Variants in CXCL13 observed in about 807,000 individuals in gnomAD.
The protein encoded by CXCL13 is C-X-C motif chemokine ligand 13, also known as C-X-C motif chemokine 13.
A neutral mutation model predicts 12.2 loss-of-function variants in CXCL13; 7 were observed. The ratio of observed to expected loss-of-function variants is 0.57; its 90% confidence interval spans 0.33 to 1.07. The LOEUF is 1.07. Among genes scored for constraint, CXCL13 ranks in the 50% least tolerant of loss-of-function variants. CXCL13 has a pLI of 0.04. For missense variants in CXCL13, 113 were observed against 127.4 expected (o/e 0.89, Z 0.55); for synonymous variants, 47 against 42.4 (o/e 1.11, Z -0.42).
chr4:77,588,048 G>C (rs1184029917), intron 1 of CXCL13, among the ~76,000 whole-genome samples: 2 of 152,202 alleles, frequency 1.3e-5, no homozygotes, highest in African/African-American at 4.8e-5. Context: ...TGCTGATGTA[G>C]GGCACCAGTA....
upstream of CXCL13, among the ~76,000 whole-genome samples, chr4:77,602,348 C>T (rs1244151253): frequency 2.0e-5 from 3 of 152,172 alleles, no homozygotes. Context: ...GCATCATTTT[C>T]TGAGGAAATG....
chr4:77,578,314 C>A (rs189911401), intron 1 of CXCL13, among the ~76,000 whole-genome samples: 1 of 152,278 alleles, frequency 6.6e-6, no homozygotes, highest in East Asian at 1.9e-4. Context: ...TGCCAGGGAC[C>A]CTTAGATAGC....
intron 1 of CXCL13, among the ~76,000 whole-genome samples, chr4:77,581,907 A>G (rs1198679547): frequency 6.6e-6 from 1 of 152,152 alleles, no homozygotes; most frequent in Non-Finnish European, 1.5e-5. Flanking sequence ...TACTCGTTGA[A>G]CTGGTTGCAA....
intron 1 of CXCL13, among the ~76,000 whole-genome samples, chr4:77,553,090 G>A (rs1725572496): frequency 6.6e-6 from 1 of 152,158 alleles, no homozygotes; most frequent in Non-Finnish European, 1.5e-5. Flanking sequence ...CGGTCTTAGG[G>A]TAGCAGATTG....
chr4:77,524,970 T>C (rs1229673765), intron 1 of CXCL13, among the ~76,000 whole-genome samples: 1 of 152,208 alleles, frequency 6.6e-6, no homozygotes, highest in Admixed American at 6.5e-5. Flanking sequence ...TATGACAAAA[T>C]TCACATGTTG....
chr4:77,605,983 C>G (rs1726994906), intron 1 of CXCL13, 54 bp downstream of exon 1: 5 of 1,296,994 alleles, frequency 3.9e-6, no homozygotes, highest in Non-Finnish European at 4.4e-6. Context: ...AGTCTTTAAC[C>G]ACTTCAATTT....
intron 1 of CXCL13, among the ~76,000 whole-genome samples, chr4:77,524,658 C>A (rs1724716300): frequency 6.9e-6 from 1 of 144,696 alleles, no homozygotes; most frequent in Non-Finnish European, 1.5e-5. Context: ...GGGAAATCCC[C>A]TGTCCCCTTG....
At chr4:77,525,998 G>A (rs1724755427) in intron 1 of CXCL13, among the ~76,000 whole-genome samples, 1 of 150,608 alleles carries the variant, frequency 6.6e-6, no homozygotes, top group African/African-American at 2.4e-5. Context: ...CAAACAATGA[G>A]CAGCTAAAGA....
At chr4:77,524,927 C>A (rs1724722507) in intron 1 of CXCL13, among the ~76,000 whole-genome samples, 1 of 152,176 alleles carries the variant, frequency 6.6e-6, no homozygotes, top group Admixed American at 6.5e-5. Context: ...CAAAATTAGA[C>A]CATGCATCAG....
At chr4:77,568,260 A>G (rs1039512203) in intron 1 of CXCL13, among the ~76,000 whole-genome samples, 1 of 152,004 alleles carries the variant, frequency 6.6e-6, no homozygotes, top group Non-Finnish European at 1.5e-5. Flanking sequence ...CCTTTCCTGT[A>G]TTCTTTATTT....
intron 1 of CXCL13, among the ~76,000 whole-genome samples, chr4:77,564,456 G>A (rs1162825810): frequency 6.6e-6 from 1 of 152,236 alleles, no homozygotes; most frequent in Non-Finnish European, 1.5e-5. Flanking sequence ...ACTTGAACTA[G>A]CTGTTCTGCA....
chr4:77,607,046 G>A (rs916293405), intron 1 of CXCL13, among the ~76,000 whole-genome samples: 3 of 152,166 alleles, frequency 2.0e-5, no homozygotes, highest in Non-Finnish European at 2.9e-5. Flanking sequence ...AAACAAAAAC[G>A]TCTGTGACAT....
In CXCL13 at chr4:77,548,194, G is replaced by A. The variant is rs539331952; in HGVS notation, c.-43+36406G>A. Among the ~76,000 whole-genome samples the A allele has an allele frequency of 7.1e-4, 108 of 152,296 alleles. 3 individuals are homozygous for A. In the South Asian group the frequency reaches 0.022, roughly 31 times the overall value. On this transcript the variant is annotated intron_variant, in intron 1 of 4. Transcript: ENST00000286758. Reference sequence around the variant, plus strand: ...TAGAGTAGCATAATATTCAGGCCAGGCCAGGAGGAGAAAGAGACAAATGGA... The same window carrying A: ...TAGAGTAGCATAATATTCAGGCCAGACCAGGAGGAGAAAGAGACAAATGGA...
intron 1 of CXCL13, among the ~76,000 whole-genome samples, chr4:77,546,714 G>A (rs1477373120): frequency 2.0e-5 from 3 of 151,900 alleles, no homozygotes; most frequent in East Asian, 1.9e-4. Context: ...TGATGTTTTG[G>A]AGAGATTTTG....
At chr4:77,532,850 C>CT (rs767638873) in intron 1 of CXCL13, among the ~76,000 whole-genome samples, 10 of 152,302 alleles carry the variant, frequency 6.6e-5, no homozygotes, top group Admixed American at 1.3e-4. Flanking sequence ...GCTACTGAGG[C>CT]TTGTGTATTC....
At chr4:77,606,480 T>A (rs559807367) in intron 1 of CXCL13, among the ~76,000 whole-genome samples, 2 of 152,286 alleles carry the variant, frequency 1.3e-5, no homozygotes, top group East Asian at 3.9e-4. Flanking sequence ...CCAGTTGAAG[T>A]AGTAAGTTTT....
intron 1 of CXCL13, among the ~76,000 whole-genome samples, chr4:77,524,866 T>G (rs1724721513): frequency 6.6e-6 from 1 of 152,220 alleles, no homozygotes; most frequent in Non-Finnish European, 1.5e-5. Flanking sequence ...AGAGCACCAC[T>G]TTAGTGTATA....
chr4:77,528,413 A>G (rs1724821714), intron 1 of CXCL13, among the ~76,000 whole-genome samples: 5 of 152,080 alleles, frequency 3.3e-5, no homozygotes, highest in Non-Finnish European at 1.5e-5. Flanking sequence ...AAGTGTTCCT[A>G]TTTCTCCACA....
intron 1 of CXCL13, among the ~76,000 whole-genome samples, chr4:77,519,379 G>C (rs962018459): frequency 6.6e-6 from 1 of 152,174 alleles, no homozygotes; most frequent in Non-Finnish European, 1.5e-5. Flanking sequence ...GGGAGCTGTA[G>C]ACCGGAGCTG....
Sources: allele counts gnomAD v4.1 joint callset (sites outside exome capture counted in the v4.1 genomes callset), GRCh38; gene constraint gnomAD v4.1.1; transcripts MANE v1.5; gene names NCBI Gene and HGNC (gene_info 2026-07-23, HGNC 2026-07-21).